The following ERAP1 variants were observed in gnomAD, a reference collection of about 807,000 sequenced individuals.
ERAP1 encodes the protein adipocyte-derived leucine aminopeptidase.
ERAP1 carries 86 observed loss-of-function variants against 103.7 expected under a neutral mutation model. That is an observed-to-expected ratio of 0.83 (90% confidence interval 0.70 to 0.99). The LOEUF is 0.99. Ranked by LOEUF, ERAP1 falls within the 50% of genes least tolerant of loss-of-function variation. The pLI, the probability that ERAP1 is intolerant of heterozygous loss-of-function variation, is 0.00. For synonymous variants in ERAP1, 398 were observed against 402.4 expected (o/e 0.99, Z 0.13); for missense variants, 1,009 against 1,128.4 (o/e 0.89, Z 1.52).
the ERAP1 span, among the ~76,000 whole-genome samples, chr5:96,837,349 G>A: frequency 1.3e-5 from 2 of 152,214 alleles, no homozygotes; most frequent in African/African-American, 4.8e-5. Flanking sequence ...GAACACAACA[G>A]CAAACAAACC....
the ERAP1 span, among the ~76,000 whole-genome samples, chr5:96,836,056 T>C: frequency 6.6e-6 from 1 of 152,076 alleles, no homozygotes; most frequent in African/African-American, 2.4e-5. Flanking sequence ...ATTTCTGAGA[T>C]GAGAAACCTG....
At chr5:96,821,025 A>G in the ERAP1 span, among the ~76,000 whole-genome samples, 5 of 152,226 alleles carry the variant, frequency 3.3e-5, no homozygotes, top group Non-Finnish European at 7.3e-5. Flanking sequence ...TGCTGATACA[A>G]TTGTGGGGAC....
chr5:96,823,610 C>T, the ERAP1 span, among the ~76,000 whole-genome samples: 1 of 152,202 alleles, frequency 6.6e-6, no homozygotes, highest in African/African-American at 2.4e-5. Context: ...CTATCCCAAG[C>T]TCCTACCCTA....
At chr5:96,926,119 C>T in the ERAP1 span, among the ~76,000 whole-genome samples, 5 of 152,030 alleles carry the variant, frequency 3.3e-5, no homozygotes, top group East Asian at 9.7e-4. Context: ...ACCGTGTTAG[C>T]CAAAATGGTC....
chr5:96,899,968 C>T, the ERAP1 span, among the ~76,000 whole-genome samples: 1 of 152,150 alleles, frequency 6.6e-6, no homozygotes, highest in Non-Finnish European at 1.5e-5. Flanking sequence ...TCACTGCAAA[C>T]ATGCCTTTTT....
chr5:96,814,576 A>G, the ERAP1 span, among the ~76,000 whole-genome samples: 1 of 152,226 alleles, frequency 6.6e-6, no homozygotes, highest in Non-Finnish European at 1.5e-5. Context: ...TTGAGCTGAA[A>G]ATAGGAATAT....
rs139782060 is a variant in ERAP1, at chr5:96,800,965, G to C, written c.560C>G (p.Ala187Gly). The C allele has an allele frequency of 3.3e-5, 54 of 1,614,046 alleles. No homozygotes were observed. The African/African-American group carries it at 5.6e-4, about 17-fold the overall frequency. ...ATCAAAGCAGGGAAAGGCCATTCTAGCTGCAGTGGGTTCAAATTGTGTTGA... is the reference window on the plus strand; with the variant it reads ...ATCAAAGCAGGGAAAGGCCATTCTACCTGCAGTGGGTTCAAATTGTGTTGA... ...LASTQFEPTA[A>G]RMAFPCFDEP... The change falls in exon 3 of 19, where the codon GCT becomes GGT. Residue 187 changes from alanine to glycine, a missense_variant. Ala to Gly is a moderately conservative substitution (Grantham distance 60). Coordinates refer to ENST00000443439, the MANE Select transcript of ERAP1 (RefSeq NM_001040458.3).
chr5:96,840,584 AAT>A, the ERAP1 span, among the ~76,000 whole-genome samples: 1 of 152,230 alleles, frequency 6.6e-6, no homozygotes, highest in Non-Finnish European at 1.5e-5. Context: ...GTTAACTCGT[AAT>A]CTCAGTTGCT....
At chr5:96,772,590 A>G (rs1315080425), downstream of ERAP1, 1 of 152,758 alleles carries the variant, frequency 6.5e-6, no homozygotes, top group African/African-American at 2.4e-5. Flanking sequence ...CTGTAACAAG[A>G]AAATTACATA....
At chr5:96,791,917 A>G in intron 8 of ERAP1, 144 bp downstream of exon 8, 1 of 789,838 alleles carries the variant, frequency 1.3e-6, no homozygotes, top group Admixed American at 2.3e-5. Flanking sequence ...AGTTAGTCCT[A>G]AAAGAGTTGA....
the ERAP1 span, chr5:96,879,965 T>C: frequency 6.2e-7 from 1 of 1,614,202 alleles, no homozygotes. Context: ...CTTTGTTGCA[T>C]CTGAGAAGAT....
chr5:96,771,628 T>C, downstream of ERAP1: 1 of 1,608,884 alleles, frequency 6.2e-7, no homozygotes, highest in South Asian at 1.1e-5. Flanking sequence ...ACGGATGGTT[T>C]TGCTTTCCCT....
the ERAP1 span, among the ~76,000 whole-genome samples, chr5:96,899,180 G>C: frequency 6.6e-6 from 1 of 152,164 alleles, no homozygotes; most frequent in Non-Finnish European, 1.5e-5. Flanking sequence ...CTAAGGGACA[G>C]ATTTGCCCAA....
chr5:96,787,056 G>A (rs527878546), intron 11 of ERAP1, among the ~76,000 whole-genome samples: 1 of 152,240 alleles, frequency 6.6e-6, no homozygotes, highest in South Asian at 2.1e-4. Context: ...AGAAAAAAAT[G>A]GAGACCAAAA....
chr5:96,934,374 T>C, the ERAP1 span: 1 of 152,228 alleles, frequency 6.6e-6, no homozygotes, highest in Non-Finnish European at 1.5e-5. Context: ...ATGGAATCAG[T>C]AGGCAAAGCA....
At chr5:96,896,755 C>G in the ERAP1 span, 1 of 1,588,588 alleles carries the variant, frequency 6.3e-7, no homozygotes, top group African/African-American at 1.4e-5. Context: ...TGAATATGCT[C>G]AAGGATTTTC....
chr5:96,780,467 T>C lies in ERAP1; in HGVS notation c.2626A>G (p.Met876Val), dbSNP rs751762996. 1.4e-5 allele frequency: 23 copies of C among 1,613,594 alleles called. No individual in the cohort carries two copies. Among genetic ancestry groups the C allele is most frequent in the Non-Finnish European group, 1.9e-5 (22 of 1,179,784 alleles). Residue 876 changes from methionine to valine, a missense_variant, in exon 18 of 19, where the codon ATG becomes GTG. Physicochemically the swap from Met to Val is conservative, Grantham distance 21. This residue lies in a region of ERAP1 where 611 missense variants were observed against 651.7 expected (regional missense o/e 0.94). Coordinates refer to ENST00000443439, the MANE Select transcript of ERAP1 (RefSeq NM_001040458.3). ...LGSSSIAHMV[M>V]GTTNQFSTRT... ...GTGGAGAATTGATTTGTTGTACCCA[T>C]TACCATGTGGGCTATGGAAGATGAG...
the ERAP1 span, among the ~76,000 whole-genome samples, chr5:96,876,799 G>T: frequency 6.6e-6 from 1 of 152,044 alleles, no homozygotes; most frequent in Non-Finnish European, 1.5e-5. Context: ...TCAATCCCAG[G>T]ATGTTTTGTT....
chr5:96,766,058 A>G, intron 19 of ERAP1: 1 of 1,590,082 alleles, frequency 6.3e-7, no homozygotes, highest in Non-Finnish European at 8.6e-7. Context: ...TATAGGAAAA[A>G]GCTAAAGCTG....
Sources: allele counts gnomAD v4.1 joint callset (sites outside exome capture counted in the v4.1 genomes callset), GRCh38; gene constraint gnomAD v4.1.1; regional missense constraint gnomAD v4.1.1; transcripts MANE v1.5; gene names NCBI Gene and HGNC (gene_info 2026-07-23, HGNC 2026-07-21).